The following RBM33 variants were observed in gnomAD, a reference collection of about 807,000 sequenced individuals.
RBM33 encodes RNA-binding protein 33.
In RBM33, 28 loss-of-function variants were observed where a neutral mutation model predicts 132.6. That is an observed-to-expected ratio of 0.21 (90% confidence interval 0.16 to 0.29). The LOEUF (loss-of-function observed/expected upper bound fraction) is 0.29. Ranked by LOEUF, RBM33 falls within the 10% of genes least tolerant of loss-of-function variation. RBM33 has a pLI of 1.00. For missense variants in RBM33, 1,291 were observed against 1,518.5 expected, an observed-to-expected ratio of 0.85 and a Z score of 2.49; for synonymous variants, 634 against 593.0, an observed-to-expected ratio of 1.07 and a Z score of -1.01.
At chr7:155,735,307 A>G (rs993358071) in intron 9 of RBM33, among the ~76,000 whole-genome samples, 6 of 152,268 alleles carry the variant, frequency 3.9e-5, no homozygotes, top group Non-Finnish European at 8.8e-5. Flanking sequence ...AGGCAAGCTC[A>G]TTGAAACTCC....
rs533216347 is a variant in RBM33 at position 155,763,958 on chromosome 7, C to T, written c.3126C>T (p.His1042=). 68 of 1,597,340 alleles carry T rather than the reference C, an allele frequency of 4.3e-5. No individual in the cohort carries two copies. The East Asian group carries it at 6.8e-4, about 16-fold the overall frequency. Residue 1042 remains histidine, a synonymous_variant, in exon 15 of 18, where the codon CAC becomes CAT. Coordinates refer to ENST00000401878, the MANE Select transcript of RBM33 (RefSeq NM_053043.3). The part of the protein sequence containing the change: ...QQPPHLPAGP[H]AHSPVPPGIK... ...CCCCACATCTGCCAGCGGGGCCCCA[C>T]GCACACTCGCCTGTCCCTCCAGGGA...
At chr7:155,717,968 C>CT (rs1236150150) in intron 8 of RBM33, among the ~76,000 whole-genome samples, 1 of 152,280 alleles carries the variant, frequency 6.6e-6, no homozygotes, top group African/African-American at 2.4e-5. Flanking sequence ...CCTCCCTTCT[C>CT]TCTTTCATGA....
intron 9 of RBM33, among the ~76,000 whole-genome samples, chr7:155,723,663 AGCATGCGTTGCAT>A (rs1800689725): frequency 6.6e-6 from 1 of 152,224 alleles, no homozygotes; most frequent in African/African-American, 2.4e-5. Flanking sequence ...CTGCTTGGTC[AGCATGCGTTGCAT>A]GTGTTGGATA....
In RBM33 at chr7:155,673,768, G is replaced by GCGCGCA. The variant is rs1554469952; in HGVS notation, c.171+854_171+855insGCGCAC. ...CACGTGTATATACGCGCGCATGCGC[G>GCGCGCA]CACACACACACACACACACACACAC... is the stretch of plus-strand genomic sequence containing the variant. On this transcript the variant is annotated intron_variant, in intron 3 of 17. Transcript: ENST00000401878. Among the ~76,000 whole-genome samples, 156 of 132,980 alleles carry GCGCGCA rather than the reference G, an allele frequency of 1.2e-3. 6 individuals are homozygous for GCGCGCA. Among genetic ancestry groups the GCGCGCA allele is most frequent in the Middle Eastern group, 3.7e-3 (1 of 270 alleles). The allele number at this position is 132,980 out of a possible 152,430, so 87.2% of individuals were successfully genotyped here.
intron 1 of RBM33, among the ~76,000 whole-genome samples, chr7:155,657,067 CT>C (rs1478673798): frequency 6.6e-6 from 1 of 151,528 alleles, no homozygotes; most frequent in Non-Finnish European, 1.5e-5. Flanking sequence ...TTTCATGACT[CT>C]TCATTTGTAT....
rs71186053 is a variant in RBM33, at chr7:155,673,940, GTTTTTTTTTTTTTTTTT to G, written c.171+1041_171+1057del. Among the ~76,000 whole-genome samples, 3 of 54,196 alleles carry G rather than the reference GTTTTTTTTTTTTTTTTT, an allele frequency of 5.5e-5. 1 individual carries two copies. The highest frequency in any genetic ancestry group is 0.011 in the Middle Eastern group (1 of 94). The allele number at this position is 54,196 out of a possible 152,430, so 35.6% of individuals were successfully genotyped here. On this transcript the variant is annotated intron_variant, in intron 3 of 17. Transcript: ENST00000401878. ...TCATTATCAAGATAGTTTAGGCTTA[GTTTTTTTTTTTTTTTTT>G]TTTTTTTTTTTTTTTGAGACACAGT...
In RBM33 at chr7:155,673,746, GTGTATATA is replaced by G. The variant is rs1432511829; in HGVS notation, c.171+832_171+839del. Among the ~76,000 whole-genome samples, 200 of 117,080 alleles carry G rather than the reference GTGTATATA, an allele frequency of 1.7e-3. 28 individuals carry two copies. Among genetic ancestry groups the G allele is most frequent in the African/African-American group, 5.4e-3 (170 of 31,264 alleles). 76.8% of individuals were successfully genotyped at this position (117,080 alleles called of 152,430 possible). A position where few individuals can be genotyped will look rare whatever the true frequency, so the allele number is the denominator to read the frequency against. On this transcript the variant is annotated intron_variant, in intron 3 of 17. Transcript: ENST00000401878. ...TACACACACATATATACATACACAC[GTGTATATA>G]CGCGCGCATGCGCGCACACACACAC...
intron 3 of RBM33, among the ~76,000 whole-genome samples, chr7:155,677,924 G>A (rs904219960): frequency 1.1e-4 from 17 of 152,142 alleles, no homozygotes; most frequent in Admixed American, 9.8e-4. Flanking sequence ...AGGGAGGAAC[G>A]TGTGAAGTAG....
rs1162561626 is a variant in RBM33 at position 155,745,671 on chromosome 7, G to A, written c.2979+69G>A. 7.3e-7 allele frequency: 1 copy of A among 1,363,146 alleles called. No homozygotes were observed. Among genetic ancestry groups the A allele is most frequent in the Non-Finnish European group, 9.8e-7 (1 of 1,017,006 alleles). The allele number at this position is 1,363,146 out of a possible 1,614,324, so 84.4% of individuals were successfully genotyped here. On this transcript the variant is annotated intron_variant, in intron 14 of 17. Transcript: ENST00000401878. This position sits in a 1 kb window ranked among gnomAD's most constrained non-coding sequence, Gnocchi z 4.1. ...CACATAGAATGTCCTCATTTGCAGAGAATGTTTTTGAAGAAAGAATTAAAA... is the reference window on the plus strand; with the variant it reads ...CACATAGAATGTCCTCATTTGCAGAAAATGTTTTTGAAGAAAGAATTAAAA...
intron 16 of RBM33, among the ~76,000 whole-genome samples, chr7:155,767,869 G>C (rs1177193477): frequency 6.6e-6 from 1 of 152,216 alleles, no homozygotes; most frequent in Non-Finnish European, 1.5e-5. Flanking sequence ...GTAGACACTA[G>C]AGCATTTTAG....
intron 9 of RBM33, among the ~76,000 whole-genome samples, chr7:155,732,364 C>CT (rs1361259609): frequency 6.6e-6 from 1 of 152,202 alleles, no homozygotes; most frequent in Non-Finnish European, 1.5e-5. Flanking sequence ...TCAGAGGACT[C>CT]TCCCCCTTTC....
intron 7 of RBM33, among the ~76,000 whole-genome samples, chr7:155,708,218 AGAG>A (rs1448783779): frequency 6.6e-6 from 1 of 152,210 alleles, no homozygotes; most frequent in East Asian, 1.9e-4. Flanking sequence ...ATGTAAAGGG[AGAG>A]GAGTAGGTAG....
At chr7:155,718,287 C>A (rs546565816) in intron 8 of RBM33, 98 bp from the exon 9 acceptor site, 2 of 883,388 alleles carry the variant, frequency 2.3e-6, no homozygotes, top group Non-Finnish European at 3.8e-6. Flanking sequence ...ATGTCTGGTA[C>A]GCATAGTATA....
intron 5 of RBM33, among the ~76,000 whole-genome samples, chr7:155,684,132 C>G (rs1799408170): frequency 6.6e-6 from 1 of 152,062 alleles, no homozygotes; most frequent in Admixed American, 6.6e-5. Flanking sequence ...AATACAGCTG[C>G]TTTATTTGGG....
intron 5 of RBM33, among the ~76,000 whole-genome samples, chr7:155,691,656 A>T: frequency 6.6e-6 from 1 of 152,182 alleles, no homozygotes; most frequent in Non-Finnish European, 1.5e-5. Flanking sequence ...AAGTATTATC[A>T]TTGCCTGGGT....
chr7:155,684,564 G>GT (rs1307555292), intron 5 of RBM33, among the ~76,000 whole-genome samples: 1 of 152,168 alleles, frequency 6.6e-6, no homozygotes, highest in Non-Finnish European at 1.5e-5. Context: ...CAAAAATAGA[G>GT]TTGGGCATGA....
rs1446725486 is a variant in RBM33, at chr7:155,778,710, G to C, written c.*3669G>C. 6.6e-6 allele frequency: 1 copy of C among 152,316 alleles called. No homozygotes were observed. Among genetic ancestry groups the C allele is most frequent in the African/African-American group, 2.4e-5 (1 of 41,438 alleles). 9.4% of individuals were successfully genotyped at this position (152,316 alleles called of 1,614,324 possible). A position where few individuals can be genotyped will look rare whatever the true frequency, so the allele number is the denominator to read the frequency against. On this transcript the variant is annotated 3_prime_UTR_variant, in exon 18 of 18. Transcript: ENST00000401878. The surrounding 1 kb of genome is among the most constrained non-coding windows in gnomAD (Gnocchi z 4.0). ...TGGAGCCTTGTCCTGGGATGGGTTT[G>C]AAGAACTCATCACTCATCACTTGTT...
intron 9 of RBM33, among the ~76,000 whole-genome samples, chr7:155,725,235 G>A (rs1393612442): frequency 7.5e-6 from 1 of 133,326 alleles, no homozygotes; most frequent in Non-Finnish European, 1.6e-5. Flanking sequence ...GAATGAGGAA[G>A]TACGGTATTC....
In RBM33 at chr7:155,738,393, C is replaced by T. The variant is rs1345223929; in HGVS notation, c.1727C>T (p.Pro576Leu). The change falls in exon 11 of 18, where the codon CCC becomes CTC. Residue 576 changes from proline to leucine, a missense_variant. By Grantham distance (98) the Pro-to-Leu change is moderately conservative. Coordinates refer to ENST00000401878, the MANE Select transcript of RBM33 (RefSeq NM_053043.3). ...GQPFLPTHTQPNLQGPLHPPL... is the reference protein window; with the variant it reads ...GQPFLPTHTQLNLQGPLHPPL... ...CCGTTTCTGCCCACACACACACAGC[C>T]CAACCTGCAGGTAATGCATCCTGAG... The T allele has an allele frequency of 1.9e-6, 3 of 1,611,488 alleles. No individual in the cohort carries two copies. Among genetic ancestry groups the T allele is most frequent in the Admixed American group, 1.7e-5 (1 of 59,926 alleles).
Sources: allele counts gnomAD v4.1 joint callset (sites outside exome capture counted in the v4.1 genomes callset), GRCh38; gene constraint gnomAD v4.1.1; non-coding constraint Gnocchi (gnomAD v3.1); transcripts MANE v1.5; gene names NCBI Gene and HGNC (gene_info 2026-07-23, HGNC 2026-07-21).